The following CYP19A1 variants were observed in gnomAD, a reference collection of about 807,000 sequenced individuals.
The protein encoded by CYP19A1 is cytochrome P450 family 19 subfamily A member 1.
Under a neutral mutation model 44.4 loss-of-function variants are expected in CYP19A1, and 32 were observed. The observed-to-expected ratio is 0.72, with a 90% confidence interval of 0.54 to 0.97. The LOEUF is 0.97. CYP19A1 is among the 50% of genes least tolerant of loss of function. The probability of loss-of-function intolerance (pLI) is 0.00; values close to 1 mark genes in which losing one functional copy is unlikely to be tolerated. For missense variants in CYP19A1, 598 were observed against 637.8 expected, an observed-to-expected ratio of 0.94 and a Z score of 0.67; for synonymous variants, 212 against 215.6, an observed-to-expected ratio of 0.98 and a Z score of 0.14.
intron 3 of CYP19A1, among the ~76,000 whole-genome samples, chr15:51,231,264 T>C (rs1463792358): frequency 6.6e-6 from 1 of 152,186 alleles, no homozygotes; most frequent in Non-Finnish European, 1.5e-5. Context: ...AGAGAATAGA[T>C]GAATATAGTA....
chr15:51,315,807 G>C (rs751265841), intron 1 of CYP19A1: 1 of 152,152 alleles, frequency 6.6e-6, no homozygotes, highest in African/African-American at 2.4e-5. Flanking sequence ...TTAATAGCAC[G>C]CTCCTCTATT....
chr15:51,210,548 A>G lies in CYP19A1; in HGVS notation c.*260T>C, dbSNP rs2030834523. ...GCACATTTGGTGGAATCGGGTCTTT[A>G]TGGATACGGTTTCTTCACCGACTAT... On this transcript the variant is annotated 3_prime_UTR_variant, in exon 10 of 10. Coordinates refer to ENST00000396402, the MANE Select transcript of CYP19A1 (RefSeq NM_000103.4). 2.2e-5 allele frequency: 14 copies of G among 622,588 alleles called. No individual in the cohort carries two copies. In the East Asian group the frequency reaches 3.8e-4, roughly 17 times the overall value. 38.6% of individuals were successfully genotyped at this position (622,588 alleles called of 1,614,324 possible).
chr15:51,290,189 T>TA (rs2140986466), intron 1 of CYP19A1, among the ~76,000 whole-genome samples: 1 of 152,318 alleles, frequency 6.6e-6, no homozygotes, highest in South Asian at 2.1e-4. Flanking sequence ...TGGCATATAG[T>TA]AAGCACTCAG....
intron 1 of CYP19A1, among the ~76,000 whole-genome samples, chr15:51,325,605 C>T (rs534072892): frequency 3.9e-5 from 6 of 152,060 alleles, no homozygotes; most frequent in African/African-American, 9.6e-5. Flanking sequence ...TTTGGGAGGC[C>T]GAGGTGGGCG....
intron 1 of CYP19A1, among the ~76,000 whole-genome samples, chr15:51,307,141 CA>C (rs1229559405): frequency 6.6e-6 from 1 of 152,148 alleles, no homozygotes; most frequent in African/African-American, 2.4e-5. Context: ...CCAACGAAAG[CA>C]AACGTGCCAT....
In CYP19A1 at chr15:51,227,854, C is replaced by G. The variant is rs745845217; in HGVS notation, c.376G>C (p.Gly126Arg). ...AATATGATGCCTTTCTCATGCATAC[C>G]GATGCACTGCAGCCCAAGTTTGCTG... Reference protein sequence around the residue: ...FGSKLGLQCIGMHEKGIIFNN... With the variant: ...FGSKLGLQCIRMHEKGIIFNN... Residue 126 changes from glycine (G) to arginine (R), a missense_variant, in exon 4 of 10, where the codon GGT becomes CGT. Transcript: ENST00000396402. 9 of 1,517,448 alleles carry G rather than the reference C, an allele frequency of 5.9e-6. No individual in the cohort carries two copies. Among genetic ancestry groups the G allele is most frequent in the Non-Finnish European group, 8.2e-6 (9 of 1,092,106 alleles). The allele number at this position is 1,517,448 out of a possible 1,614,324, so 94.0% of individuals were successfully genotyped here.
chr15:51,214,518 T>C (rs2031369859), intron 8 of CYP19A1, among the ~76,000 whole-genome samples: 2 of 152,206 alleles, frequency 1.3e-5, no homozygotes, highest in Admixed American at 1.3e-4. Flanking sequence ...AACTGGAAGT[T>C]CATTTGTGAA....
At chr15:51,312,114 T>C (rs551104797) in intron 1 of CYP19A1, 2 of 152,286 alleles carry the variant, frequency 1.3e-5, no homozygotes, top group South Asian at 4.1e-4. Flanking sequence ...GCAACCAGAA[T>C]GGAAGTCAGC....
chr15:51,249,300 G>A (rs990605169), intron 1 of CYP19A1, among the ~76,000 whole-genome samples: 32 of 152,220 alleles, frequency 2.1e-4, no homozygotes, highest in African/African-American at 7.5e-4. Flanking sequence ...TCTGACTCCT[G>A]CTTTACCACA....
At chr15:51,253,521 G>T (rs764487262) in intron 1 of CYP19A1, among the ~76,000 whole-genome samples, 1 of 152,150 alleles carries the variant, frequency 6.6e-6, no homozygotes, top group African/African-American at 2.4e-5. Context: ...GAACACACTT[G>T]TTGGGATTCT....
At chr15:51,221,762 A>G (rs2032102539) in intron 5 of CYP19A1, 1 of 154,472 alleles carries the variant, frequency 6.5e-6, no homozygotes, top group Non-Finnish European at 1.4e-5. Context: ...TGTTAAGGTT[A>G]TAAATAATAA....
chr15:51,211,810 G>C (rs1463120243), intron 9 of CYP19A1: 1 of 304,056 alleles, frequency 3.3e-6, no homozygotes, highest in Non-Finnish European at 6.5e-6. Context: ...AAGAAAAACT[G>C]TCTCTCTTCT....
chr15:51,208,302 G>C lies in CYP19A1; in HGVS notation c.*2506C>G, dbSNP rs557411286. The C allele has an allele frequency of 6.6e-6, 1 of 152,264 alleles. No individual in the cohort carries two copies. Among genetic ancestry groups the C allele is most frequent in the South Asian group, 2.1e-4 (1 of 4,824 alleles). 9.4% of individuals were successfully genotyped at this position (152,264 alleles called of 1,614,324 possible). A position where few individuals can be genotyped will look rare whatever the true frequency, so the allele number is the denominator to read the frequency against. On this transcript the variant is annotated 3_prime_UTR_variant, in exon 10 of 10. Transcript: ENST00000396402. ...CTGGATGTGATTATTTTCCACTTGA[G>C]AGGGGGAAAATGGGATCTCAATGAA...
chr15:51,215,659 A>G, intron 7 of CYP19A1, 44 bp downstream of exon 7: 1 of 1,613,790 alleles, frequency 6.2e-7, no homozygotes, highest in Non-Finnish European at 8.5e-7. Context: ...CTACACAGTC[A>G]TAACATATGT....
Position 51,231,798 on chromosome 15 carries a change from A to G in CYP19A1, c.297-3865T>C, listed in dbSNP as rs193098836. 3.3e-3 allele frequency among the ~76,000 whole-genome samples: 499 copies of G among 152,142 alleles called. 4 individuals are homozygous for G. Among genetic ancestry groups the G allele is most frequent in the Non-Finnish European group, 5.9e-3 (399 of 67,996 alleles). On this transcript the variant is annotated intron_variant, in intron 3 of 9. Coordinates refer to ENST00000396402, the MANE Select transcript of CYP19A1 (RefSeq NM_000103.4). ...ATTCTCCCTACTCAGCCCCAGCTGA[A>G]GACTTTATTTCCAATTTTCCCAAGA... is the stretch of plus-strand genomic sequence containing the variant.
chr15:51,263,487 AG>A (rs2034805518), intron 1 of CYP19A1, among the ~76,000 whole-genome samples: 1 of 152,242 alleles, frequency 6.6e-6, no homozygotes, highest in Admixed American at 6.5e-5. Flanking sequence ...GTGTGGAGTT[AG>A]GGAAGTTTTC....
At chr15:51,267,633 C>G (rs2034973545) in intron 1 of CYP19A1, among the ~76,000 whole-genome samples, 1 of 152,226 alleles carries the variant, frequency 6.6e-6, no homozygotes, top group African/African-American at 2.4e-5. Context: ...GAGACGCGAC[C>G]GGGGTGAGAC....
Position 51,209,667 on chromosome 15 carries a change from T to A in CYP19A1, c.*1141A>T, listed in dbSNP as rs1219907853. On this transcript the variant is annotated 3_prime_UTR_variant, in exon 10 of 10. Coordinates refer to ENST00000396402, the MANE Select transcript of CYP19A1 (RefSeq NM_000103.4). ...CAATGATTCAATGAACTAGATAATG[T>A]TAAATCTCTCAGGTAACTGTTAAAT... The A allele has an allele frequency of 6.5e-6, 1 of 152,692 alleles. No homozygotes were observed. Among genetic ancestry groups the A allele is most frequent in the Non-Finnish European group, 1.5e-5 (1 of 68,076 alleles). 9.5% of individuals were successfully genotyped at this position (152,692 alleles called of 1,614,324 possible). A position where few individuals can be genotyped will look rare whatever the true frequency, so the allele number is the denominator to read the frequency against.
At chr15:51,228,653 C>T (rs984127392) in intron 3 of CYP19A1, among the ~76,000 whole-genome samples, 11 of 152,180 alleles carry the variant, frequency 7.2e-5, no homozygotes, top group African/African-American at 2.4e-4. Context: ...AGTTCTCCCA[C>T]GACACAGGAT....
Sources: gnomAD v4.1 joint callset for allele counts (sites outside exome capture counted in the v4.1 genomes callset) on GRCh38, gnomAD v4.1.1 for gene constraint, MANE v1.5 for transcripts, NCBI Gene and HGNC (gene_info 2026-07-23, HGNC 2026-07-21) for gene names.